The following GLG1 variants were observed in gnomAD, a reference collection of about 807,000 sequenced individuals.
GLG1 encodes the protein golgi glycoprotein 1.
Under a neutral mutation model 160.5 loss-of-function variants are expected in GLG1, and 38 were observed. The ratio of observed to expected loss-of-function variants is 0.24; its 90% CI spans 0.18 to 0.31. The LOEUF (loss-of-function observed/expected upper bound fraction) is 0.31. GLG1 is among the 10% of genes least tolerant of loss of function. GLG1 has a pLI of 1.00. For missense variants in GLG1, 1,373 were observed against 1,505.2 expected, an observed-to-expected ratio of 0.91 and a Z score of 1.45; for synonymous variants, 644 against 543.4, an observed-to-expected ratio of 1.19 and a Z score of -2.57.
chr16:74,555,935 G>A (rs1163705719), intron 1 of GLG1, among the ~76,000 whole-genome samples: 2 of 151,758 alleles, frequency 1.3e-5, no homozygotes, highest in South Asian at 2.1e-4. Flanking sequence ...ACTCTTCTGG[G>A]CTCAAGCAAT....
intron 9 of GLG1, among the ~76,000 whole-genome samples, chr16:74,485,008 G>A (rs1039093633): frequency 2.0e-5 from 3 of 151,992 alleles, no homozygotes; most frequent in African/African-American, 7.3e-5. Flanking sequence ...TGAACTCCTG[G>A]GCTCAAGCAA....
intron 1 of GLG1, among the ~76,000 whole-genome samples, chr16:74,573,215 G>A (rs1453267968): frequency 6.6e-6 from 1 of 152,110 alleles, no homozygotes; most frequent in African/African-American, 2.4e-5. Context: ...AAAAAACCCT[G>A]ACAGTTGGCC....
At chr16:74,549,061 C>A (rs2018126840) in intron 1 of GLG1, among the ~76,000 whole-genome samples, 1 of 152,124 alleles carries the variant, frequency 6.6e-6, no homozygotes, top group Non-Finnish European at 1.5e-5. Context: ...GCAAATGAAC[C>A]AATGTTGGTT....
chr16:74,526,728 A>C (rs943282768), intron 2 of GLG1, among the ~76,000 whole-genome samples: 2 of 152,184 alleles, frequency 1.3e-5, no homozygotes, highest in African/African-American at 4.8e-5. Flanking sequence ...TGTCTCAAAA[A>C]GCAAAACAAA....
At chr16:74,562,930 T>C (rs1033311826) in intron 1 of GLG1, among the ~76,000 whole-genome samples, 3 of 152,156 alleles carry the variant, frequency 2.0e-5, no homozygotes, top group African/African-American at 7.2e-5. Context: ...CTGGGTCAAT[T>C]GATATCACAA....
intron 19 of GLG1, 33 bp downstream of exon 19, chr16:74,465,643 A>T (rs1405236814): frequency 6.2e-7 from 1 of 1,605,520 alleles, no homozygotes; most frequent in Non-Finnish European, 8.5e-7. Flanking sequence ...TTTGTTGTTC[A>T]TCCGTGCTCG....
At chr16:74,481,789 C>A (rs1052742436) in intron 10 of GLG1, among the ~76,000 whole-genome samples, 1 of 151,868 alleles carries the variant, frequency 6.6e-6, no homozygotes, top group South Asian at 2.1e-4. Flanking sequence ...TCAAGTGAAT[C>A]TCCTTTTTTT....
At chr16:74,593,248 T>C (rs1273112284) in intron 1 of GLG1, among the ~76,000 whole-genome samples, 1 of 152,118 alleles carries the variant, frequency 6.6e-6, no homozygotes, top group Non-Finnish European at 1.5e-5. Flanking sequence ...GGCATTACGT[T>C]TGTCAATGAT....
At chr16:74,533,191 G>T (rs1489449925) in intron 1 of GLG1, among the ~76,000 whole-genome samples, 1 of 151,722 alleles carries the variant, frequency 6.6e-6, no homozygotes, top group Non-Finnish European at 1.5e-5. Flanking sequence ...CGTGGTGGCA[G>T]GCGCCTGTAG....
chr16:74,512,350 G>A lies in GLG1; in HGVS notation c.472-3425C>T, dbSNP rs75959300. On this transcript the variant is annotated intron_variant, in intron 2 of 25. Transcript: ENST00000422840. ...GTGATCTCGGCTCACTGCAACCTCCGCCCCCCGGGTTCAAGCAATTCTCCT... is the reference window on the plus strand; with the variant it reads ...GTGATCTCGGCTCACTGCAACCTCCACCCCCCGGGTTCAAGCAATTCTCCT... Among the ~76,000 whole-genome samples the A allele has an allele frequency of 1.9e-3, 264 of 141,770 alleles. 1 individual carries two copies. The highest frequency in any genetic ancestry group is 3.1e-3 in the Non-Finnish European group (198 of 64,328). 93.0% of individuals were successfully genotyped at this position (141,770 alleles called of 152,430 possible). A position where few individuals can be genotyped will look rare whatever the true frequency, so the allele number is the denominator to read the frequency against.
intron 5 of GLG1, among the ~76,000 whole-genome samples, chr16:74,495,106 C>CTTTTTT (rs5817913): frequency 1.2e-5 from 1 of 83,238 alleles, no homozygotes; most frequent in Non-Finnish European, 2.4e-5. Flanking sequence ...GAGTCTGAGT[C>CTTTTTT]TTTTTTTTTT....
chr16:74,507,793 C>G (rs971198807), intron 3 of GLG1, among the ~76,000 whole-genome samples: 9 of 152,178 alleles, frequency 5.9e-5, no homozygotes, highest in African/African-American at 2.2e-4. Context: ...AAAATACAAA[C>G]ATTTAAAGTT....
chr16:74,454,787 C>A (rs1249505201), intron 25 of GLG1, among the ~76,000 whole-genome samples: 1 of 147,826 alleles, frequency 6.8e-6, no homozygotes, highest in Non-Finnish European at 1.5e-5. Flanking sequence ...CTGCCTCGGT[C>A]TCCCAAGGTG....
At chr16:74,497,098 G>C (rs1022221120) in intron 4 of GLG1, among the ~76,000 whole-genome samples, 2 of 152,096 alleles carry the variant, frequency 1.3e-5, no homozygotes, top group Non-Finnish European at 2.9e-5. Context: ...GGCCAACATG[G>C]TGAAGGCCCA....
At position 74,452,130 on chromosome 16, in the gene GLG1, G is replaced by C. The variant is rs772918405; in HGVS notation, c.*1037C>G. 2.5e-6 allele frequency: 4 copies of C among 1,613,754 alleles called. No individual in the cohort carries two copies. In the African/African-American group the frequency reaches 4.0e-5, roughly 16 times the overall value. The stretch of plus-strand genomic sequence containing the variant: ...GCCATTGTCTCTGACCTGTATTGTA[G>C]CCTGAAAAATAAAGCAAAGTGAGTC... On this transcript the variant is annotated 3_prime_UTR_variant, in exon 26 of 26. Transcript: ENST00000422840.
chr16:74,587,871 G>A (rs1387919389), intron 1 of GLG1, among the ~76,000 whole-genome samples: 1 of 152,100 alleles, frequency 6.6e-6, no homozygotes, highest in African/African-American at 2.4e-5. Flanking sequence ...GAAAAAAACA[G>A]CTATTGCAAG....
chr16:74,453,095 T>G lies in GLG1; in HGVS notation c.*72A>C. Reference sequence around the variant, plus strand: ...TCACTTCTGAGAAGAGCGAGGTGAGTGGGGATGCTATACAAGAGGGCTGTA... The same window carrying G: ...TCACTTCTGAGAAGAGCGAGGTGAGGGGGGATGCTATACAAGAGGGCTGTA... On this transcript the variant is annotated 3_prime_UTR_variant, in exon 26 of 26. Transcript: ENST00000422840. 6.4e-7 allele frequency: 1 copy of G among 1,557,038 alleles called. No homozygotes were observed.
intron 8 of GLG1, among the ~76,000 whole-genome samples, chr16:74,488,672 T>C (rs749948953): frequency 1.3e-5 from 2 of 152,088 alleles, no homozygotes; most frequent in Non-Finnish European, 2.9e-5. Flanking sequence ...CAGGCTGGAG[T>C]GCAGTAGTGT....
chr16:74,568,160 G>A (rs926271312), intron 1 of GLG1, among the ~76,000 whole-genome samples: 10 of 152,192 alleles, frequency 6.6e-5, no homozygotes, highest in Admixed American at 3.9e-4. Flanking sequence ...AAAGAAGCCA[G>A]CCCAGAAGCA....
Sources: gnomAD v4.1 joint callset for allele counts (sites outside exome capture counted in the v4.1 genomes callset) on GRCh38, gnomAD v4.1.1 for gene constraint, MANE v1.5 for transcripts, NCBI Gene and HGNC (gene_info 2026-07-23, HGNC 2026-07-21) for gene names.